Variants in CELSR1 observed in about 807,000 individuals in gnomAD.
CELSR1 encodes adhesion G protein-coupled receptor C1.
Under a neutral mutation model 249.1 loss-of-function variants are expected in CELSR1, and 110 were observed. That is an observed-to-expected ratio of 0.44 (90% CI 0.38 to 0.52). The LOEUF (loss-of-function observed/expected upper bound fraction) is 0.52, where lower values mean the gene tolerates loss of function less well. Ranked by LOEUF, CELSR1 falls within the 20% of genes least tolerant of loss-of-function variation. The probability of loss-of-function intolerance (pLI) is 0.00; values close to 1 mark genes in which losing one functional copy is unlikely to be tolerated. For synonymous variants in CELSR1, 2,113 were observed against 1,900.0 expected (o/e 1.11, Z -2.92); for missense variants, 4,109 against 4,296.4 (o/e 0.96, Z 1.22).
intron 29 of CELSR1, 101 bp downstream of exon 29, chr22:46,366,892 G>T (rs2078789580): frequency 1.4e-6 from 2 of 1,448,306 alleles, no homozygotes; most frequent in African/African-American, 2.8e-5. Context: ...ACCGTGAGGG[G>T]CATACGGGCC....
chr22:46,465,864 C>T (rs776565578), intron 1 of CELSR1, among the ~76,000 whole-genome samples: 1 of 152,242 alleles, frequency 6.6e-6, no homozygotes, highest in Non-Finnish European at 1.5e-5. Flanking sequence ...GAAACGCAGG[C>T]CCGGCTGGGG....
rs2079588978 is a variant in CELSR1 at position 46,430,997 on chromosome 22, CAAAT to C, written c.4611+2392_4611+2395del. The stretch of plus-strand genomic sequence containing the variant: ...GTAAAAACTGGTTGGTTTCCTCCAT[CAAAT>C]AACCTCAGGCAAGAGAGAGAAGTAT... On this transcript the variant is annotated intron_variant, in intron 5 of 34. Coordinates refer to ENST00000674500, the MANE Select transcript of CELSR1 (RefSeq NM_001378328.1). The surrounding 1 kb of genome is among the most constrained non-coding windows in gnomAD (Gnocchi z 4.6). 6.6e-6 allele frequency among the ~76,000 whole-genome samples: 1 copy of C among 152,236 alleles called. No individual in the cohort carries two copies. Among genetic ancestry groups the C allele is most frequent in the Non-Finnish European group, 1.5e-5 (1 of 68,042 alleles).
rs61737817 is a variant in CELSR1, at chr22:46,433,452, C to G, written c.4552G>C (p.Val1518Leu). 2.9e-4 allele frequency: 472 copies of G among 1,614,046 alleles called. No individual in the cohort carries two copies. The highest frequency in any genetic ancestry group is 3.7e-4 in the Non-Finnish European group (432 of 1,179,968). ...CGCCCGTCACTCACACCACTGGGAACCTTCGGTGCCACGGTCGTTGTTGTC... is the reference window on the plus strand; with the variant it reads ...CGCCCGTCACTCACACCACTGGGAAGCTTCGGTGCCACGGTCGTTGTTGTC... Reference protein sequence around the residue: ...GETTTTVAPKVPSGVSDGRWH... With the variant: ...GETTTTVAPKLPSGVSDGRWH... The change falls in exon 5 of 35, where the codon GTT (valine) becomes CTT (leucine). Residue 1518 changes from valine (V) to leucine (L), a missense_variant. Physicochemically the swap from Val to Leu is conservative, Grantham distance 32 (BLOSUM62 1). Transcript: ENST00000674500. The surrounding 1 kb of genome is among the most constrained non-coding windows in gnomAD (Gnocchi z 5.7).
chr22:46,464,182 G>T lies in CELSR1; in HGVS notation c.3708C>A (p.Ser1236=). The part of the protein sequence containing the change: ...LFVEGVAAVL[S]TTKDDVFVFN... ...AGACGAAGACGTCGTCCTTGGTGGT[G>T]GACAGCACGGCGGCCACCCCCTCCA... The change falls in exon 2 of 35, where the codon TCC becomes TCA. Residue 1236 remains serine, a synonymous_variant. Coordinates refer to ENST00000674500, the MANE Select transcript of CELSR1 (RefSeq NM_001378328.1). This position sits in a 1 kb window ranked among gnomAD's most constrained non-coding sequence, Gnocchi z 8.5. The T allele has an allele frequency of 6.2e-7, 1 of 1,613,686 alleles. No individual in the cohort carries two copies. Among genetic ancestry groups the T allele is most frequent in the South Asian group, 1.1e-5 (1 of 91,074 alleles).
chr22:46,381,812 G>T lies in CELSR1; in HGVS notation c.7088+34C>A, dbSNP rs370826776. 52 of 1,528,954 alleles carry T rather than the reference G, an allele frequency of 3.4e-5. No individual in the cohort carries two copies. The highest frequency in any genetic ancestry group is 4.5e-5 in the Non-Finnish European group (51 of 1,139,264). The allele number at this position is 1,528,954 out of a possible 1,614,324, so 94.7% of individuals were successfully genotyped here. On this transcript the variant is annotated intron_variant, in intron 21 of 34. Transcript: ENST00000674500. The surrounding 1 kb of genome is among the most constrained non-coding windows in gnomAD (Gnocchi z 6.0). Reference sequence around the variant, plus strand: ...GGAAGCCTCAGGAGCCTCCAGAACGGGCCCTCCCCGTGTGCCCCGTGCCCA... The same window carrying T: ...GGAAGCCTCAGGAGCCTCCAGAACGTGCCCTCCCCGTGTGCCCCGTGCCCA...
chr22:46,376,104 A>G (rs2078915522), intron 24 of CELSR1, among the ~76,000 whole-genome samples: 1 of 152,238 alleles, frequency 6.6e-6, no homozygotes, highest in Non-Finnish European at 1.5e-5. Flanking sequence ...TCATTAGATT[A>G]AAGTTTCCCC....
chr22:46,509,452 T>C lies in CELSR1; in HGVS notation c.3544+24175A>G, dbSNP rs114696473. The stretch of plus-strand genomic sequence containing the variant: ...GGTGTTGGTCACTGCGTTGTCACAG[T>C]TTAAGGAGCCCTGAGCCCATGCCAC... On this transcript the variant is annotated intron_variant, in intron 1 of 34. Transcript: ENST00000674500. Among the ~76,000 whole-genome samples the C allele has an allele frequency of 9.7e-3, 364 of 37,612 alleles. 2 individuals carry two copies. Among genetic ancestry groups the C allele is most frequent in the African/African-American group, 0.028 (354 of 12,650 alleles). The allele number at this position is 37,612 out of a possible 152,430, so 24.7% of individuals were successfully genotyped here. A position where few individuals can be genotyped will look rare whatever the true frequency, so the allele number is the denominator to read the frequency against.
chr22:46,384,642 T>A lies in CELSR1; in HGVS notation c.6784A>T (p.Arg2262Trp). The A allele has an allele frequency of 6.2e-7, 1 of 1,613,636 alleles. No homozygotes were observed. The highest frequency in any genetic ancestry group is 8.5e-7 in the Non-Finnish European group (1 of 1,179,786). Residue 2262 changes from arginine to tryptophan, a missense_variant, in exon 20 of 35, where the codon AGG becomes TGG. By Grantham distance (101) the Arg-to-Trp change is moderately radical. Around this residue, in one of 7 missense-constraint regions of CELSR1, gnomAD observed 1,805 missense variants for 1,831.6 expected, o/e 0.99. Transcript: ENST00000674500. ...TGGATGGTGTCGAATCGCGGGACCC[T>A]GGCTCCCGTAAAGTTGAACTTGTCA... Reference protein sequence around the residue: ...IFDKFNFTGARVPRFDTIHEE... With the variant: ...IFDKFNFTGAWVPRFDTIHEE...
Position 46,527,735 on chromosome 22 carries a change from G to A in CELSR1, c.3544+5892C>T, listed in dbSNP as rs1245752719. Among the ~76,000 whole-genome samples, 1 of 152,192 alleles carries A rather than the reference G, an allele frequency of 6.6e-6. No homozygotes were observed. The highest frequency in any genetic ancestry group is 1.5e-5 in the Non-Finnish European group (1 of 68,038). Reference sequence around the variant, plus strand: ...TGAAATGGTTAACTCATTGCCAAAAGCACTGAACTCTCCTGGGAAGGTTTG... The same window carrying A: ...TGAAATGGTTAACTCATTGCCAAAAACACTGAACTCTCCTGGGAAGGTTTG... On this transcript the variant is annotated intron_variant, in intron 1 of 34. Transcript: ENST00000674500. This position sits in a 1 kb window ranked among gnomAD's most constrained non-coding sequence, Gnocchi z 5.5.
Position 46,380,739 on chromosome 22 carries a change from A to T in CELSR1, c.7256+49T>A. The T allele has an allele frequency of 6.3e-7, 1 of 1,594,308 alleles. No homozygotes were observed. The highest frequency in any genetic ancestry group is 8.6e-7 in the Non-Finnish European group (1 of 1,169,248). ...ACTGAGCCCCCGACCCTGCGGGGGCACTCTGCCTTGGCAAAGCCCTCACAT... is the reference window on the plus strand; with the variant it reads ...ACTGAGCCCCCGACCCTGCGGGGGCTCTCTGCCTTGGCAAAGCCCTCACAT... On this transcript the variant is annotated intron_variant, in intron 22 of 34. Coordinates refer to ENST00000674500, the MANE Select transcript of CELSR1 (RefSeq NM_001378328.1). The surrounding 1 kb of genome is among the most constrained non-coding windows in gnomAD (Gnocchi z 5.1).
chr22:46,442,316 C>T (rs1449169255), intron 2 of CELSR1, among the ~76,000 whole-genome samples: 2 of 152,272 alleles, frequency 1.3e-5, no homozygotes, highest in South Asian at 2.1e-4. Context: ...CCACTGCCCT[C>T]GCTGGGGCAG....
In CELSR1 at chr22:46,408,851, C is replaced by G; in HGVS notation, c.5226+145G>C. The stretch of plus-strand genomic sequence containing the variant: ...GAAAGAAAGGGCTGATATTCCCCTT[C>G]CCCCTCTTCGGAGAACCCCAGGGGC... On this transcript the variant is annotated intron_variant, in intron 9 of 34. Transcript: ENST00000674500. The surrounding 1 kb of genome is among the most constrained non-coding windows in gnomAD (Gnocchi z 4.6). 1.5e-6 allele frequency: 1 copy of G among 647,490 alleles called. No homozygotes were observed. Among genetic ancestry groups the G allele is most frequent in the South Asian group, 2.3e-5 (1 of 43,938 alleles). 40.1% of individuals were successfully genotyped at this position (647,490 alleles called of 1,614,324 possible). A position where few individuals can be genotyped will look rare whatever the true frequency, so the allele number is the denominator to read the frequency against.
intron 2 of CELSR1, among the ~76,000 whole-genome samples, chr22:46,457,083 C>T (rs1310417665): frequency 6.6e-6 from 1 of 152,092 alleles, no homozygotes; most frequent in Non-Finnish European, 1.5e-5. Context: ...GTGGCGTGGA[C>T]GTACAGGGCC....
Position 46,391,874 on chromosome 22 carries a change from G to T in CELSR1, c.5965-58C>A. ...AGATGCCCGGGAGAGGCCCTACCTTGCAGCGTGTTTCCCGAGCGACGTCCA... is the reference window on the plus strand; with the variant it reads ...AGATGCCCGGGAGAGGCCCTACCTTTCAGCGTGTTTCCCGAGCGACGTCCA... On this transcript the variant is annotated intron_variant, in intron 14 of 34. Coordinates refer to ENST00000674500, the MANE Select transcript of CELSR1 (RefSeq NM_001378328.1). This position sits in a 1 kb window ranked among gnomAD's most constrained non-coding sequence, Gnocchi z 4.3. 1.3e-6 allele frequency: 2 copies of T among 1,542,558 alleles called. No homozygotes were observed. Among genetic ancestry groups the T allele is most frequent in the South Asian group, 1.2e-5 (1 of 82,926 alleles).
intron 32 of CELSR1, among the ~76,000 whole-genome samples, 180 bp from the exon 33 acceptor site, chr22:46,364,916 T>C (rs1365750107): frequency 6.6e-6 from 1 of 152,196 alleles, no homozygotes; most frequent in Non-Finnish European, 1.5e-5. Context: ...AGGGCCCTTG[T>C]TGGGAGCCCC....
chr22:46,446,509 G>A lies in CELSR1; in HGVS notation c.4184-7098C>T, dbSNP rs2079822628. On this transcript the variant is annotated intron_variant, in intron 2 of 34. Transcript: ENST00000674500. This position sits in a 1 kb window ranked among gnomAD's most constrained non-coding sequence, Gnocchi z 5.5. Reference sequence around the variant, plus strand: ...TGCAGGCAATGACAGGGTCTGTTTGGGGGCCAGTCTGAGACTGTCAGGCAC... The same window carrying A: ...TGCAGGCAATGACAGGGTCTGTTTGAGGGCCAGTCTGAGACTGTCAGGCAC... 6.6e-6 allele frequency among the ~76,000 whole-genome samples: 1 copy of A among 152,180 alleles called. No homozygotes were observed. Among genetic ancestry groups the A allele is most frequent in the Non-Finnish European group, 1.5e-5 (1 of 68,036 alleles).
chr22:46,521,617 G>A (rs558017762), intron 1 of CELSR1, among the ~76,000 whole-genome samples: 2 of 152,104 alleles, frequency 1.3e-5, no homozygotes, highest in South Asian at 2.1e-4. Flanking sequence ...AGGAATTCGA[G>A]ACCATCCTGG....
At chr22:46,460,720 G>A (rs985431470) in intron 2 of CELSR1, among the ~76,000 whole-genome samples, 5 of 152,078 alleles carry the variant, frequency 3.3e-5, no homozygotes, top group African/African-American at 1.2e-4. Flanking sequence ...TCCTGCCCTC[G>A]TCCCTTTCGG....
Position 46,464,262 on chromosome 22 carries a change from G to C in CELSR1, c.3628C>G (p.Arg1210Gly). ...TTCTCCTGGGACATGTTCTCCAGGCGGACAGTGATGCTGTTGGTCAGCATG... is the reference window on the plus strand; with the variant it reads ...TTCTCCTGGGACATGTTCTCCAGGCCGACAGTGATGCTGTTGGTCAGCATG... ...DDMLTNSITV[R>G]LENMSQEKFL... is the part of the protein sequence containing the mutation. Residue 1210 changes from arginine (R) to glycine (G), a missense_variant, in exon 2 of 35, where the codon CGC (arginine) becomes GGC (glycine). Arg to Gly is a moderately radical substitution (Grantham distance 125, BLOSUM62 -2). Around this residue, in one of 7 missense-constraint regions of CELSR1, gnomAD observed 886 missense variants for 896.5 expected, o/e 0.99. Transcript: ENST00000674500. This position sits in a 1 kb window ranked among gnomAD's most constrained non-coding sequence, Gnocchi z 8.5. The C allele has an allele frequency of 6.2e-7, 1 of 1,613,706 alleles. No homozygotes were observed. Among genetic ancestry groups the C allele is most frequent in the Non-Finnish European group, 8.5e-7 (1 of 1,180,034 alleles).
Sources: gnomAD v4.1 joint callset for allele counts (sites outside exome capture counted in the v4.1 genomes callset) on GRCh38, gnomAD v4.1.1 for gene constraint, gnomAD v4.1.1 regional missense constraint, Gnocchi (gnomAD v3.1) non-coding constraint, MANE v1.5 for transcripts, NCBI Gene and HGNC (gene_info 2026-07-23, HGNC 2026-07-21) for gene names.